METTL8: variants seen among roughly 807,000 people sequenced by gnomAD.
The protein encoded by METTL8 is tRNA N(3)-cytidine methyltransferase METTL8, mitochondrial.
A neutral mutation model predicts 48.7 loss-of-function variants in METTL8; 32 were observed. That is an observed-to-expected ratio of 0.66 (90% CI 0.50 to 0.88). The LOEUF (loss-of-function observed/expected upper bound fraction) is 0.88. Among genes scored for constraint, METTL8 ranks in the 40% least tolerant of loss-of-function variants. METTL8 has a pLI of 0.00. For synonymous variants in METTL8, 136 were observed against 157.1 expected, an observed-to-expected ratio of 0.87 and a Z score of 1.01; for missense variants, 464 against 474.4, an observed-to-expected ratio of 0.98 and a Z score of 0.20.
chr2:171,341,445 G>A (rs1424135262), intron 3 of METTL8, among the ~76,000 whole-genome samples: 3 of 151,772 alleles, frequency 2.0e-5, no homozygotes, highest in Admixed American at 6.6e-5. Context: ...CACCATGTGG[G>A]CCAAGCTGGT....
intron 3 of METTL8, among the ~76,000 whole-genome samples, chr2:171,352,089 G>C (rs1193541954): frequency 1.3e-5 from 2 of 152,184 alleles, no homozygotes; most frequent in Non-Finnish European, 2.9e-5. Context: ...GATATTGACT[G>C]TGAGTTTGTC....
At chr2:171,336,330 C>CGA (rs1686095892) in intron 5 of METTL8, among the ~76,000 whole-genome samples, 1 of 148,540 alleles carries the variant, frequency 6.7e-6, no homozygotes, top group Admixed American at 6.8e-5. Flanking sequence ...CTCCTGATCT[C>CGA]GTGATTTGCC....
chr2:171,360,571 G>T (rs1241277519), intron 2 of METTL8, 58 bp from the exon 3 acceptor site: 2 of 1,452,770 alleles, frequency 1.4e-6, no homozygotes, highest in Non-Finnish European at 1.9e-6. Context: ...GCAGAAAAAA[G>T]GTGACAAGGA....
intron 1 of METTL8, among the ~76,000 whole-genome samples, chr2:171,407,238 T>C (rs1225554872): frequency 6.6e-6 from 1 of 151,650 alleles, no homozygotes; most frequent in African/African-American, 2.4e-5. Context: ...CCCAGCAACT[T>C]GGGAGGCTGA....
At chr2:171,406,948 A>C (rs1690242130) in intron 1 of METTL8, among the ~76,000 whole-genome samples, 2 of 152,138 alleles carry the variant, frequency 1.3e-5, no homozygotes, top group Admixed American at 6.5e-5. Flanking sequence ...TACCAAAAGT[A>C]ACCTAACTGA....
rs528046951 is a variant in METTL8, at chr2:171,346,374, C to T, written c.236-6820G>A. ...TCACAAAAATGAAATGTCAACCATCCTGCAGCAAGACTATTATTTGTGATG... is the reference window on the plus strand; with the variant it reads ...TCACAAAAATGAAATGTCAACCATCTTGCAGCAAGACTATTATTTGTGATG... On this transcript the variant is annotated intron_variant, in intron 3 of 9. Coordinates refer to ENST00000375258, the MANE Select transcript of METTL8 (RefSeq NM_001321154.2). Among the ~76,000 whole-genome samples, 288 of 152,292 alleles carry T rather than the reference C, an allele frequency of 1.9e-3. 2 individuals carry two copies. Among genetic ancestry groups the T allele is most frequent in the African/African-American group, 6.8e-3 (281 of 41,562 alleles).
At chr2:171,413,064 C>G (rs533823935) in intron 1 of METTL8, among the ~76,000 whole-genome samples, 1 of 152,054 alleles carries the variant, frequency 6.6e-6, no homozygotes, top group Non-Finnish European at 1.5e-5. Flanking sequence ...TCCAGATGAC[C>G]AACATAAGAT....
upstream of METTL8, chr2:171,434,370 C>G: frequency 1.2e-6 from 1 of 847,678 alleles, no homozygotes; most frequent in Non-Finnish European, 1.9e-6. Flanking sequence ...TTCTTCCCTT[C>G]TCTCCGCGCT....
At chr2:171,421,795 G>A (rs1205927388) in intron 1 of METTL8, among the ~76,000 whole-genome samples, 2 of 152,146 alleles carry the variant, frequency 1.3e-5, no homozygotes, top group Non-Finnish European at 2.9e-5. Flanking sequence ...TGAAAGACTT[G>A]AGGATGTGTG....
At chr2:171,325,548 A>G (rs1684860444) in intron 9 of METTL8, among the ~76,000 whole-genome samples, 1 of 152,132 alleles carries the variant, frequency 6.6e-6, no homozygotes, top group Non-Finnish European at 1.5e-5. Context: ...GCTATCATCA[A>G]TTTTTTTCAT....
At position 171,326,024 on chromosome 2, in the gene METTL8, A is replaced by C; in HGVS notation, c.967+18T>G. 7.0e-7 allele frequency: 1 copy of C among 1,419,356 alleles called. No homozygotes were observed. The highest frequency in any genetic ancestry group is 9.7e-7 in the Non-Finnish European group (1 of 1,033,010). The allele number at this position is 1,419,356 out of a possible 1,614,324, so 87.9% of individuals were successfully genotyped here. ...TTTAGAACATTTAAAAATAACCTCA[A>C]ACTGAATATACTATTACCCTTTTTA... On this transcript the variant is annotated intron_variant, in intron 8 of 9. Coordinates refer to ENST00000375258, the MANE Select transcript of METTL8 (RefSeq NM_001321154.2).
chr2:171,350,155 T>A (rs1274611705), intron 3 of METTL8, among the ~76,000 whole-genome samples: 2 of 152,138 alleles, frequency 1.3e-5, no homozygotes, highest in Non-Finnish European at 2.9e-5. Flanking sequence ...ATGTTCCCCA[T>A]CCTGTGTCCA....
chr2:171,385,505 AT>A (rs1440961304), intron 2 of METTL8, among the ~76,000 whole-genome samples: 3 of 152,204 alleles, frequency 2.0e-5, no homozygotes, highest in African/African-American at 7.2e-5. Context: ...GAAGAAAAAA[AT>A]GTAAAAAAGG....
Position 171,387,734 on chromosome 2 carries a change from T to C in METTL8, c.143+4309A>G, listed in dbSNP as rs116613505. On this transcript the variant is annotated intron_variant, in intron 2 of 9. Coordinates refer to ENST00000375258, the MANE Select transcript of METTL8 (RefSeq NM_001321154.2). ...TCTCAATTCAGCCCAGTTATTAATA[T>C]ATTTCAAGTGCTGAATAACCACCTG... 2.2e-3 allele frequency among the ~76,000 whole-genome samples: 337 copies of C among 152,260 alleles called. 2 individuals are homozygous for C. The highest frequency in any genetic ancestry group is 7.9e-3 in the African/African-American group (327 of 41,548).
intron 2 of METTL8, among the ~76,000 whole-genome samples, chr2:171,361,485 G>A (rs1685166893): frequency 6.6e-6 from 1 of 152,118 alleles, no homozygotes; most frequent in African/African-American, 2.4e-5. Context: ...TGCTGTGACC[G>A]ACAAACATTG....
In METTL8 at chr2:171,365,300, T is replaced by G. The variant is rs148614727; in HGVS notation, c.144-4787A>C. On this transcript the variant is annotated intron_variant, in intron 2 of 9. Transcript: ENST00000375258. The stretch of plus-strand genomic sequence containing the variant: ...GTCCCGATAAGTTAAAGATCTTAAG[T>G]AGTATAGAGACTACTTTGCTCCAGG... Among the ~76,000 whole-genome samples, 65 of 152,328 alleles carry G rather than the reference T, an allele frequency of 4.3e-4. 1 individual carries two copies. The highest frequency in any genetic ancestry group is 1.2e-3 in the Admixed American group (18 of 15,304).
chr2:171,364,203 T>G (rs986347684), intron 2 of METTL8, among the ~76,000 whole-genome samples: 2 of 152,176 alleles, frequency 1.3e-5, no homozygotes, highest in African/African-American at 4.8e-5. Flanking sequence ...CCAATTATGT[T>G]TGAATAGGAG....
At chr2:171,366,640 T>G (rs1012743689) in intron 2 of METTL8, among the ~76,000 whole-genome samples, 4 of 152,050 alleles carry the variant, frequency 2.6e-5, no homozygotes, top group African/African-American at 9.7e-5. Context: ...ACAGAATGAA[T>G]GCACAGATGG....
intron 5 of METTL8, chr2:171,332,628 T>C (rs548532336): frequency 6.6e-6 from 1 of 152,332 alleles, no homozygotes; most frequent in African/African-American, 2.4e-5. Flanking sequence ...AAATAATCCT[T>C]GCATCATGTT....
Sources: gnomAD v4.1 joint callset for allele counts (sites outside exome capture counted in the v4.1 genomes callset) on GRCh38, gnomAD v4.1.1 for gene constraint, MANE v1.5 for transcripts, NCBI Gene and HGNC (gene_info 2026-07-23, HGNC 2026-07-21) for gene names.